Variants in TAS1R2 observed in about 807,000 individuals in gnomAD.
The protein encoded by TAS1R2 is taste 1 receptor member 2.
TAS1R2 carries 47 observed loss-of-function variants against 49.3 expected under a neutral mutation model. The ratio of observed to expected loss-of-function variants is 0.95; its 90% CI spans 0.75 to 1.22. The LOEUF (loss-of-function observed/expected upper bound fraction) is 1.22. Ranked by LOEUF, TAS1R2 falls within the 50% of genes most tolerant of loss-of-function variation. TAS1R2 has a pLI of 0.00. For missense variants in TAS1R2, 1,155 were observed against 1,122.1 expected, an observed-to-expected ratio of 1.03 and a Z score of -0.42; for synonymous variants, 479 against 467.9, an observed-to-expected ratio of 1.02 and a Z score of -0.31.
At chr1:18,855,489 G>C (rs1569678697) in intron 2 of TAS1R2, among the ~76,000 whole-genome samples, 2 of 152,200 alleles carry the variant, frequency 1.3e-5, no homozygotes, top group East Asian at 3.9e-4. Context: ...CTCCTTTCCT[G>C]GTTCCTTCTC....
At chr1:18,846,402 A>G (rs1346081038) in intron 4 of TAS1R2, among the ~76,000 whole-genome samples, 1 of 152,154 alleles carries the variant, frequency 6.6e-6, no homozygotes, top group Non-Finnish European at 1.5e-5. Context: ...CTCTTGGACC[A>G]ACTTTCCCTG....
exon 2 of TAS1R2, chr1:18,857,396 C>A (rs1290102261): frequency 6.2e-7 from 1 of 1,614,188 alleles, no homozygotes; most frequent in South Asian, 1.1e-5. Flanking sequence ...TTGTCAGGGC[C>A]AATGACAGCC....
At chr1:18,840,602 G>A (rs1933805766) in intron 5 of TAS1R2, 75 bp from the exon 6 acceptor site, 1 of 1,524,362 alleles carries the variant, frequency 6.6e-7, no homozygotes, top group South Asian at 1.1e-5. Context: ...CCTGCACAGG[G>A]CCAGGCTCCA....
At chr1:18,850,342 T>C (rs1933998561) in intron 3 of TAS1R2, among the ~76,000 whole-genome samples, 1 of 152,224 alleles carries the variant, frequency 6.6e-6, no homozygotes, top group Non-Finnish European at 1.5e-5. Context: ...AATGGTAGTG[T>C]CCATTTGGCT....
intron 4 of TAS1R2, 165 bp downstream of exon 4, chr1:18,849,176 G>T (rs1933975158): frequency 6.7e-6 from 5 of 746,276 alleles, no homozygotes; most frequent in Middle Eastern, 3.9e-4. Context: ...CCCAATCAAT[G>T]GGGGAAGGAA....
chr1:18,849,291 GC>G (rs1557597608), intron 4 of TAS1R2, 49 bp downstream of exon 4: 2 of 1,601,150 alleles, frequency 1.2e-6, no homozygotes, highest in Admixed American at 3.3e-5. Flanking sequence ...TCCAGCAAGG[GC>G]CCCAGGCCCC....
Position 18,842,002 on chromosome 1 carries a change from C to A in TAS1R2, c.1468-150G>T, listed in dbSNP as rs1933840142. The A allele has an allele frequency of 8.6e-6, 7 of 809,820 alleles. No individual in the cohort carries two copies. The East Asian group carries it at 2.0e-4, about 24-fold the overall frequency. 50.2% of individuals were successfully genotyped at this position (809,820 alleles called of 1,614,324 possible). ...AACTGTAGAAAAAAAAAAAAAAACT[C>A]TCATGCTTCTAGCAGGGGATAAGGA... is the stretch of plus-strand genomic sequence containing the variant. On this transcript the variant is annotated intron_variant, in intron 4 of 5. Coordinates refer to ENST00000375371, the Ensembl canonical transcript of TAS1R2.
chr1:18,857,611 C>T, exon 2 of TAS1R2: 1 of 1,613,512 alleles, frequency 6.2e-7, no homozygotes. Flanking sequence ...GAGGTTGTAG[C>T]CTATCACCTT....
chr1:18,845,157 T>A (rs901790534), intron 4 of TAS1R2, among the ~76,000 whole-genome samples: 7 of 152,196 alleles, frequency 4.6e-5, no homozygotes, highest in Non-Finnish European at 8.8e-5. Flanking sequence ...CAGGACACTG[T>A]ATCACCTCAG....
intron 4 of TAS1R2, among the ~76,000 whole-genome samples, chr1:18,848,854 A>G (rs1933969114): frequency 6.6e-6 from 1 of 152,168 alleles, no homozygotes; most frequent in African/African-American, 2.4e-5. Context: ...CATTAATATT[A>G]CATTAGGGTG....
intron 1 of TAS1R2, chr1:18,858,500 C>G (rs1407479826): frequency 6.6e-6 from 1 of 152,476 alleles, no homozygotes; most frequent in East Asian, 1.9e-4. Flanking sequence ...ACGCAACCAT[C>G]ACCATTATCA....
intron 4 of TAS1R2, among the ~76,000 whole-genome samples, chr1:18,842,232 C>G (rs1378165538): frequency 6.6e-6 from 1 of 152,158 alleles, no homozygotes; most frequent in Non-Finnish European, 1.5e-5. Flanking sequence ...ATGAAGGTCA[C>G]AGTTCTGGGG....
exon 4 of TAS1R2, chr1:18,849,355 T>G: frequency 6.2e-7 from 1 of 1,613,994 alleles, no homozygotes; most frequent in Admixed American, 1.7e-5. Context: ...TTGTTGATGG[T>G]GTGCCAGGAG....
exon 2 of TAS1R2, chr1:18,857,579 C>A (rs758240066): frequency 1.2e-6 from 2 of 1,614,144 alleles, no homozygotes; most frequent in Non-Finnish European, 1.7e-6. Flanking sequence ...ATCTCCTCCA[C>A]CGCAAAGCGC....
chr1:18,853,233 T>C (rs1047319471), intron 3 of TAS1R2, among the ~76,000 whole-genome samples: 1 of 152,198 alleles, frequency 6.6e-6, no homozygotes, highest in African/African-American at 2.4e-5. Context: ...AGATGTGATG[T>C]ATACTAGGCA....
Position 18,854,593 on chromosome 1 carries a change from A to G in TAS1R2, c.877T>C (p.Phe293Leu). The change falls in exon 3 of 6, where the codon TTC (phenylalanine) becomes CTC (leucine). Residue 293 changes from phenylalanine (F) to leucine (L), a missense_variant. Coordinates refer to ENST00000375371, the Ensembl canonical transcript of TAS1R2. The surrounding 1 kb of genome is among the most constrained non-coding windows in gnomAD (Gnocchi z 4.9). The stretch of plus-strand genomic sequence containing the variant: ...GAGGCGATCCACACGGCGCCAGTGA[A>G]GTTCTGGCGCAGCACCTCATTGAAG... The G allele has an allele frequency of 6.2e-7, 1 of 1,613,966 alleles. No homozygotes were observed. Among genetic ancestry groups the G allele is most frequent in the Non-Finnish European group, 8.5e-7 (1 of 1,179,910 alleles).
Position 18,847,145 on chromosome 1 carries a change from C to T in TAS1R2, c.1467+2196G>A, listed in dbSNP as rs541822309. On this transcript the variant is annotated intron_variant, in intron 4 of 5. Coordinates refer to ENST00000375371, the Ensembl canonical transcript of TAS1R2. ...GCAACCTCTTTTCTCTATAAATTACCCAGTCTCTGGCATTTCTTTGTAACA... is the reference window on the plus strand; with the variant it reads ...GCAACCTCTTTTCTCTATAAATTACTCAGTCTCTGGCATTTCTTTGTAACA... Among the ~76,000 whole-genome samples, 20 of 152,256 alleles carry T rather than the reference C, an allele frequency of 1.3e-4. No individual in the cohort carries two copies. In the East Asian group the frequency reaches 1.9e-3, roughly 15 times the overall value.
At chr1:18,842,590 T>C (rs557276197) in intron 4 of TAS1R2, among the ~76,000 whole-genome samples, 22 of 152,152 alleles carry the variant, frequency 1.4e-4, no homozygotes, top group Non-Finnish European at 2.8e-4. Flanking sequence ...CATGTGGAAA[T>C]TAAACAACAT....
chr1:18,856,321 C>T (rs993390467), intron 2 of TAS1R2, among the ~76,000 whole-genome samples: 2 of 152,100 alleles, frequency 1.3e-5, no homozygotes, highest in African/African-American at 4.8e-5. Flanking sequence ...CTTCACCTCC[C>T]TCAAGTCTTC....
Sources: allele counts gnomAD v4.1 joint callset (sites outside exome capture counted in the v4.1 genomes callset), GRCh38; gene constraint gnomAD v4.1.1; non-coding constraint Gnocchi (gnomAD v3.1); transcripts MANE v1.5; gene names NCBI Gene and HGNC (gene_info 2026-07-23, HGNC 2026-07-21).